Variants in WDR70 observed in about 807,000 individuals in gnomAD.
WDR70 encodes the protein WD repeat domain 70.
A neutral mutation model predicts 88.6 loss-of-function variants in WDR70; 53 were observed. That is an observed-to-expected ratio of 0.60 (90% CI 0.48 to 0.75). The LOEUF (loss-of-function observed/expected upper bound fraction) is 0.75, where lower values mean the gene tolerates loss of function less well. WDR70 is among the 30% of genes least tolerant of loss of function. The pLI, the probability that WDR70 is intolerant of heterozygous loss-of-function variation, is 0.00. For synonymous variants in WDR70, 280 were observed against 270.0 expected (o/e 1.04, Z -0.36); for missense variants, 610 against 823.2 (o/e 0.74, Z 3.17).
chr5:37,463,818 A>T (rs928596537), intron 7 of WDR70, among the ~76,000 whole-genome samples: 8 of 152,170 alleles, frequency 5.3e-5, no homozygotes, highest in Non-Finnish European at 1.2e-4. Flanking sequence ...CTGTCCTTTT[A>T]ACTCTGTGGC....
rs576082965 is a variant in WDR70 at position 37,587,539 on chromosome 5, A to G, written c.918-17525A>G. On this transcript the variant is annotated intron_variant, in intron 9 of 17. Transcript: ENST00000265107. ...TAGAATCCTTCCTAGATCTTTCCCAATGAAATACCTCTTTTTCTGGGTGAC... is the reference window on the plus strand; with the variant it reads ...TAGAATCCTTCCTAGATCTTTCCCAGTGAAATACCTCTTTTTCTGGGTGAC... 1.8e-4 allele frequency among the ~76,000 whole-genome samples: 27 copies of G among 151,840 alleles called. No individual in the cohort carries two copies. The South Asian group carries it at 2.3e-3, about 13-fold the overall frequency.
chr5:37,667,376 C>T (rs769739316), intron 10 of WDR70, among the ~76,000 whole-genome samples: 5 of 152,108 alleles, frequency 3.3e-5, no homozygotes, highest in Admixed American at 2.6e-4. Flanking sequence ...TGTTTTACTG[C>T]ACTGAATAGC....
chr5:37,576,091 TTCCC>T (rs1206150074), intron 9 of WDR70, among the ~76,000 whole-genome samples: 1 of 143,146 alleles, frequency 7.0e-6, no homozygotes, highest in Non-Finnish European at 1.5e-5. Context: ...CCTTCCTTCC[TTCCC>T]TCCCTCCCCG....
At chr5:37,455,243 CTTTTTTTTT>C (rs544303522) in intron 7 of WDR70, among the ~76,000 whole-genome samples, 8 of 123,116 alleles carry the variant, frequency 6.5e-5, no homozygotes, top group Non-Finnish European at 3.5e-5. Flanking sequence ...TTCTTTCTTT[CTTTTTTTTT>C]TTTTTTTTTT....
intron 8 of WDR70, among the ~76,000 whole-genome samples, chr5:37,516,256 T>C (rs1281921095): frequency 1.3e-5 from 2 of 152,214 alleles, no homozygotes; most frequent in African/African-American, 2.4e-5. Flanking sequence ...TTTCCCACCT[T>C]ACTAAGCACC....
chr5:37,724,617 T>C, intron 15 of WDR70: 1 of 250,806 alleles, frequency 4.0e-6, no homozygotes, highest in South Asian at 6.2e-5. Flanking sequence ...GCAGTCCCAA[T>C]ATGTGTTTCT....
At chr5:37,546,865 T>C (rs1299763509) in intron 9 of WDR70, among the ~76,000 whole-genome samples, 1 of 151,418 alleles carries the variant, frequency 6.6e-6, no homozygotes, top group African/African-American at 2.4e-5. Flanking sequence ...TGCAGTGAGC[T>C]GAGACCATGC....
chr5:37,629,942 A>G (rs1191099319), intron 10 of WDR70, among the ~76,000 whole-genome samples: 1 of 152,062 alleles, frequency 6.6e-6, no homozygotes, highest in African/African-American at 2.4e-5. Context: ...TACTCATATA[A>G]ATGGATCTTG....
chr5:37,727,136 T>C, intron 17 of WDR70, 91 bp downstream of exon 17: 2 of 1,449,082 alleles, frequency 1.4e-6, no homozygotes, highest in Non-Finnish European at 1.8e-6. Flanking sequence ...CTAACTTCTC[T>C]ATTTCTTATT....
chr5:37,439,811 T>C (rs1750598473), intron 6 of WDR70, among the ~76,000 whole-genome samples: 1 of 151,982 alleles, frequency 6.6e-6, no homozygotes, highest in African/African-American at 2.4e-5. Flanking sequence ...AGTCCCCCCG[T>C]CCCCACCTTA....
intron 14 of WDR70, chr5:37,721,422 G>A (rs574905569): frequency 1.9e-4 from 107 of 576,222 alleles, no homozygotes; most frequent in South Asian, 4.4e-5. Flanking sequence ...TGAATTCAAA[G>A]CGAAAGTTTC....
intron 3 of WDR70, among the ~76,000 whole-genome samples, chr5:37,385,954 A>G (rs1297904897): frequency 1.3e-5 from 2 of 149,464 alleles, no homozygotes; most frequent in African/African-American, 2.5e-5. Flanking sequence ...TAGGTACCGG[A>G]CACCATGCCT....
At chr5:37,643,627 A>T (rs1460015393) in intron 10 of WDR70, among the ~76,000 whole-genome samples, 1 of 152,020 alleles carries the variant, frequency 6.6e-6, no homozygotes, top group African/African-American at 2.4e-5. Context: ...TGAACATAGA[A>T]TATCTTTCCA....
At chr5:37,608,520 G>A (rs779957750) in intron 10 of WDR70, among the ~76,000 whole-genome samples, 2 of 151,350 alleles carry the variant, frequency 1.3e-5, no homozygotes, top group Non-Finnish European at 2.9e-5. Context: ...GCTGATTGCT[G>A]TCTGACCTGC....
intron 10 of WDR70, among the ~76,000 whole-genome samples, chr5:37,688,511 T>C (rs1746679973): frequency 6.6e-6 from 1 of 152,110 alleles, no homozygotes; most frequent in Non-Finnish European, 1.5e-5. Context: ...ACAGGACTTT[T>C]GGGTAAACTG....
intron 5 of WDR70, among the ~76,000 whole-genome samples, chr5:37,400,917 A>G (rs1281842247): frequency 6.6e-6 from 1 of 152,198 alleles, no homozygotes; most frequent in Non-Finnish European, 1.5e-5. Context: ...AAGTAGAAAG[A>G]TGAGGAGGAT....
intron 10 of WDR70, among the ~76,000 whole-genome samples, chr5:37,676,855 A>C (rs192540366): frequency 6.6e-6 from 1 of 152,148 alleles, no homozygotes; most frequent in Admixed American, 6.5e-5. Context: ...CTGTGAATCC[A>C]TCTGGTCTTG....
In WDR70 at chr5:37,506,112, T is replaced by C. The variant is rs892380125; in HGVS notation, c.841-10402T>C. The C allele has an allele frequency of 3.5e-6, 4 of 1,153,348 alleles. No individual in the cohort carries two copies. The African/African-American group carries it at 4.5e-5, about 13-fold the overall frequency. The allele number at this position is 1,153,348 out of a possible 1,614,324, so 71.4% of individuals were successfully genotyped here. A position where few individuals can be genotyped will look rare whatever the true frequency, so the allele number is the denominator to read the frequency against. ...ACAGTAAAGATTTGCATGTGCAAGATTGCAGCGGCTTAAATTGGCCATTTT... is the reference window on the plus strand; with the variant it reads ...ACAGTAAAGATTTGCATGTGCAAGACTGCAGCGGCTTAAATTGGCCATTTT... On this transcript the variant is annotated intron_variant, in intron 8 of 17. Coordinates refer to ENST00000265107, the MANE Select transcript of WDR70 (RefSeq NM_018034.4).
chr5:37,459,111 T>TATCTACAACTA (rs1359137500), intron 7 of WDR70, among the ~76,000 whole-genome samples: 29 of 46,318 alleles, frequency 6.3e-4, no homozygotes, highest in South Asian at 1.8e-3. Context: ...GAGCAGGTTG[T>TATCTACAACTA]TCAGTTTCCA....
Sources: gnomAD v4.1 joint callset for allele counts (sites outside exome capture counted in the v4.1 genomes callset) on GRCh38, gnomAD v4.1.1 for gene constraint, MANE v1.5 for transcripts, NCBI Gene and HGNC (gene_info 2026-07-23, HGNC 2026-07-21) for gene names.